EFCAB8: variants seen among roughly 807,000 people sequenced by gnomAD.
EFCAB8 encodes the protein EF-hand calcium-binding domain-containing protein 8.
In EFCAB8, 100 loss-of-function variants were observed where a neutral mutation model predicts 116.3. That is an observed-to-expected ratio of 0.86 (90% CI 0.73 to 1.02). The LOEUF (loss-of-function observed/expected upper bound fraction) is 1.02, where lower values mean the gene tolerates loss of function less well. Among genes scored for constraint, EFCAB8 ranks in the 50% least tolerant of loss-of-function variants. The probability of loss-of-function intolerance (pLI) is 0.00; values close to 1 mark genes in which losing one functional copy is unlikely to be tolerated. For synonymous variants in EFCAB8, 558 were observed against 567.9 expected, an observed-to-expected ratio of 0.98 and a Z score of 0.25; for missense variants, 1,320 against 1,416.9, an observed-to-expected ratio of 0.93 and a Z score of 1.10.
In EFCAB8 at chr20:32,863,867, G is replaced by A. The variant is rs1473875003; in HGVS notation, c.42+33G>A. 6.5e-6 allele frequency: 10 copies of A among 1,550,062 alleles called. No homozygotes were observed. In the East Asian group the frequency reaches 2.0e-4, roughly 30 times the overall value. On this transcript the variant is annotated intron_variant, in intron 2 of 26. Coordinates refer to ENST00000400522, the MANE Select transcript of EFCAB8 (RefSeq NM_001143967.2). ...AGACAATTATCTGAACTAATAAAGG[G>A]TGGGGCATTCCAGAGTCACCCAAAA...
intron 22 of EFCAB8, among the ~76,000 whole-genome samples, chr20:32,941,722 G>T (rs1936307): frequency 0.26 from 38,851 of 152,016 alleles, 5,354 homozygotes; most frequent in Middle Eastern, 0.36. Context: ...GGGAAATTGC[G>T]TAGTGACTAC....
intron 2 of EFCAB8, 41 bp from the exon 3 acceptor site, chr20:32,867,541 T>C (rs1306879295): frequency 3.3e-6 from 5 of 1,533,910 alleles, no homozygotes; most frequent in Admixed American, 4.3e-5. Context: ...GCTCAGGAAA[T>C]TGAAACGCTC....
chr20:32,897,439 C>CTTT (rs10693739), intron 10 of EFCAB8, among the ~76,000 whole-genome samples: 25 of 136,214 alleles, frequency 1.8e-4, no homozygotes, highest in African/African-American at 6.5e-4. Flanking sequence ...CCTGCACTGA[C>CTTT]TTTTTTTTTT....
chr20:32,959,644 G>A (rs1257644156), intron 24 of EFCAB8, 134 bp from the exon 25 acceptor site: 5 of 668,256 alleles, frequency 7.5e-6, no homozygotes, highest in Non-Finnish European at 1.3e-5. Flanking sequence ...TGGACTCTGG[G>A]GAGTCTGGCC....
chr20:32,908,230 C>A, intron 13 of EFCAB8, 45 bp from the exon 14 acceptor site: 1 of 1,248,312 alleles, frequency 8.0e-7, no homozygotes, highest in Non-Finnish European at 1.0e-6. Context: ...CCGGCTACAT[C>A]CCCGAGACCC....
intron 1 of EFCAB8, among the ~76,000 whole-genome samples, chr20:32,861,663 C>A (rs1984121902): frequency 6.6e-6 from 1 of 152,174 alleles, no homozygotes; most frequent in Non-Finnish European, 1.5e-5. Context: ...ACTTGGGAGG[C>A]TGAGATGGGA....
intron 9 of EFCAB8, among the ~76,000 whole-genome samples, chr20:32,895,880 C>T (rs1278648694): frequency 6.6e-6 from 1 of 151,998 alleles, no homozygotes; most frequent in Non-Finnish European, 1.5e-5. Flanking sequence ...CCAGGCTGGT[C>T]TCTTAACTCC....
chr20:32,885,497 TC>T lies in EFCAB8; in HGVS notation c.432-5del, dbSNP rs1160285800. 6.4e-7 allele frequency: 1 copy of T among 1,551,680 alleles called. No homozygotes were observed. The highest frequency in any genetic ancestry group is 8.7e-7 in the Non-Finnish European group (1 of 1,146,954). Reference sequence around the variant, plus strand: ...TTGGGCTCTTCTCTCTTTCATCGCCTCCCACAGGAACCATGGCTGTGAGGTG... The same window carrying T: ...TTGGGCTCTTCTCTCTTTCATCGCCTCCACAGGAACCATGGCTGTGAGGTG... On this transcript the variant is annotated splice_polypyrimidine_tract_variant and splice_region_variant and intron_variant, in intron 5 of 26. Coordinates refer to ENST00000400522, the MANE Select transcript of EFCAB8 (RefSeq NM_001143967.2).
intron 22 of EFCAB8, among the ~76,000 whole-genome samples, chr20:32,937,574 A>G (rs1221087833): frequency 6.6e-6 from 1 of 152,198 alleles, no homozygotes; most frequent in Admixed American, 6.5e-5. Flanking sequence ...AGAGAAGTAC[A>G]CATTCAGATG....
rs564522185 is a variant in EFCAB8 at position 32,877,712 on chromosome 20, G to A, written c.328-992G>A. On this transcript the variant is annotated intron_variant, in intron 4 of 26. Transcript: ENST00000400522. ...TGGGCCTTGGCCATGTTTTCCAGCA[G>A]CTGGGCAGTGGAATGGAGTCTGGAG... 2.7e-4 allele frequency among the ~76,000 whole-genome samples: 41 copies of A among 152,340 alleles called. 1 individual carries two copies. In the East Asian group the frequency reaches 7.3e-3, roughly 27 times the overall value.
chr20:32,868,808 A>G (rs754186013), intron 3 of EFCAB8, among the ~76,000 whole-genome samples: 2 of 152,138 alleles, frequency 1.3e-5, no homozygotes, highest in Admixed American at 6.6e-5. Context: ...AACATGGTGA[A>G]ACCCCGTCTC....
intron 6 of EFCAB8, among the ~76,000 whole-genome samples, chr20:32,888,281 A>G (rs1403033366): frequency 6.6e-6 from 1 of 152,070 alleles, no homozygotes; most frequent in African/African-American, 2.4e-5. Context: ...GCTGGAGTGC[A>G]GTGGTGTGAT....
At chr20:32,927,302 T>C (rs1659546065) in intron 20 of EFCAB8, among the ~76,000 whole-genome samples, 1 of 152,096 alleles carries the variant, frequency 6.6e-6, no homozygotes, top group South Asian at 2.1e-4. Context: ...GGCTGCAGTG[T>C]ATTTCTTTGG....
chr20:32,911,498 C>T lies in EFCAB8; in HGVS notation c.1576C>T (p.Arg526Cys), dbSNP rs1986916495. ...CCTACAGGTGGTGAGTGGCTGCCTG[C>T]GCGGCACAGTGAGTGTGTGGGAGGT... is the stretch of plus-strand genomic sequence containing the variant. ...IFKQVVSGCL[R>C]GTVSVWEVVT... Residue 526 changes from arginine to cysteine, a missense_variant, in exon 16 of 27, where the codon CGC becomes TGC. Coordinates refer to ENST00000400522, the MANE Select transcript of EFCAB8 (RefSeq NM_001143967.2). 8.7e-6 allele frequency: 13 copies of T among 1,494,272 alleles called. No homozygotes were observed. Among genetic ancestry groups the T allele is most frequent in the Non-Finnish European group, 1.2e-5 (13 of 1,114,828 alleles). 92.6% of individuals were successfully genotyped at this position (1,494,272 alleles called of 1,614,324 possible).
chr20:32,942,570 T>C (rs902242507), intron 22 of EFCAB8, among the ~76,000 whole-genome samples: 1 of 152,022 alleles, frequency 6.6e-6, no homozygotes, highest in Non-Finnish European at 1.5e-5. Flanking sequence ...TGATTGTCTA[T>C]CATATGGATT....
intron 15 of EFCAB8, among the ~76,000 whole-genome samples, chr20:32,910,792 G>A (rs115034703): frequency 0.011 from 1,592 of 143,950 alleles, 34 homozygotes; most frequent in African/African-American, 0.04. Flanking sequence ...CCAGGCTGGA[G>A]TGCAATGGGA....
intron 26 of EFCAB8, among the ~76,000 whole-genome samples, chr20:32,960,608 G>C (rs1253451004): frequency 1.3e-5 from 2 of 152,268 alleles, no homozygotes; most frequent in Non-Finnish European, 2.9e-5. Flanking sequence ...GGGACAGAAA[G>C]GAGCAGGGGA....
chr20:32,919,831 C>T (rs1212147572), intron 19 of EFCAB8, among the ~76,000 whole-genome samples: 1 of 152,064 alleles, frequency 6.6e-6, no homozygotes, highest in East Asian at 1.9e-4. Context: ...ATGGTCTCTT[C>T]CAGGACAAAG....
chr20:32,931,241 A>G lies in EFCAB8; in HGVS notation c.2695A>G (p.Lys899Glu), dbSNP rs1191047291. The change falls in exon 22 of 27, where the codon AAG becomes GAG. Residue 899 changes from lysine to glutamate, a missense_variant. Transcript: ENST00000400522. ...ACAGCCATTCCAATCCAGTGGGGCC[A>G]AGGTTGTCTCTGAAGCACACAACAA... Reference protein sequence around the residue: ...DKQPFQSSGAKVVSEAHNKFR... With the variant: ...DKQPFQSSGAEVVSEAHNKFR... 5 of 1,551,318 alleles carry G rather than the reference A, an allele frequency of 3.2e-6. No individual in the cohort carries two copies. The highest frequency in any genetic ancestry group is 2.4e-5 in the South Asian group (2 of 84,026).
Sources: gnomAD v4.1 joint callset for allele counts (sites outside exome capture counted in the v4.1 genomes callset) on GRCh38, gnomAD v4.1.1 for gene constraint, MANE v1.5 for transcripts, NCBI Gene and HGNC (gene_info 2026-07-23, HGNC 2026-07-21) for gene names.